DIAPH3: variants seen among roughly 807,000 people sequenced by gnomAD.
The protein encoded by DIAPH3 is protein diaphanous homolog 3.
A neutral mutation model predicts 144.3 loss-of-function variants in DIAPH3; 117 were observed. The observed-to-expected ratio is 0.81, with a 90% confidence interval of 0.70 to 0.95. The LOEUF is 0.95. DIAPH3 is among the 40% of genes least tolerant of loss of function. The probability of loss-of-function intolerance (pLI) is 0.00; values close to 1 mark genes in which losing one functional copy is unlikely to be tolerated. For synonymous variants in DIAPH3, 519 were observed against 488.9 expected, an observed-to-expected ratio of 1.06 and a Z score of -0.81; for missense variants, 1,421 against 1,412.7, an observed-to-expected ratio of 1.01 and a Z score of -0.09.
At chr13:59,989,822 C>T (rs575625739) in intron 12 of DIAPH3, among the ~76,000 whole-genome samples, 32 of 151,970 alleles carry the variant, frequency 2.1e-4, no homozygotes, top group South Asian at 4.1e-4. Context: ...GATAAAACCC[C>T]TGCAGGACTA....
intron 3 of DIAPH3, among the ~76,000 whole-genome samples, chr13:60,103,309 T>C (rs1343394605): frequency 2.0e-5 from 3 of 152,070 alleles, no homozygotes; most frequent in Non-Finnish European, 4.4e-5. Flanking sequence ...TTCATGGCTG[T>C]GGATTTTGCA....
Position 59,956,484 on chromosome 13 carries a change from T to G in DIAPH3, c.2074+13460A>C, listed in dbSNP as rs779183076. 5.9e-5 allele frequency among the ~76,000 whole-genome samples: 9 copies of G among 152,300 alleles called. No individual in the cohort carries two copies. The South Asian group carries it at 1.7e-3, about 28-fold the overall frequency. Reference sequence around the variant, plus strand: ...CTGTGGGTGCAAATAAGTCAAGAACTGAGGTTTGGGAACCTCCACCTAGAT... The same window carrying G: ...CTGTGGGTGCAAATAAGTCAAGAACGGAGGTTTGGGAACCTCCACCTAGAT... On this transcript the variant is annotated intron_variant, in intron 17 of 27. Coordinates refer to ENST00000400324, the MANE Select transcript of DIAPH3 (RefSeq NM_001042517.2).
chr13:60,061,658 T>C (rs2056778881), intron 4 of DIAPH3, among the ~76,000 whole-genome samples: 1 of 149,934 alleles, frequency 6.7e-6, no homozygotes, highest in Admixed American at 6.6e-5. Context: ...TAAACACATC[T>C]GACTTCAAGG....
intron 9 of DIAPH3, among the ~76,000 whole-genome samples, chr13:59,994,474 G>A (rs560157572): frequency 2.0e-5 from 3 of 151,942 alleles, no homozygotes; most frequent in Non-Finnish European, 2.9e-5. Flanking sequence ...TAGAGATATC[G>A]AGAAACGTTA....
intron 12 of DIAPH3, 77 bp from the exon 13 acceptor site, chr13:59,983,964 G>T (rs1400678028): frequency 1.6e-5 from 15 of 926,992 alleles, no homozygotes; most frequent in Non-Finnish European, 2.6e-5. Flanking sequence ...TTTTGGCTAA[G>T]ATTGATTTCA....
intron 27 of DIAPH3, among the ~76,000 whole-genome samples, chr13:59,708,855 C>T (rs1240139521): frequency 6.6e-6 from 1 of 151,952 alleles, no homozygotes; most frequent in Non-Finnish European, 1.5e-5. Flanking sequence ...ATTTTAAAAA[C>T]ATGCTATTTA....
intron 4 of DIAPH3, among the ~76,000 whole-genome samples, chr13:60,065,457 A>T: frequency 6.6e-6 from 1 of 152,158 alleles, no homozygotes; most frequent in Non-Finnish European, 1.5e-5. Context: ...ACATTAGGGT[A>T]GGGACATGAT....
intron 21 of DIAPH3, among the ~76,000 whole-genome samples, chr13:59,871,164 T>C (rs1041424817): frequency 1.4e-5 from 2 of 139,766 alleles, no homozygotes; most frequent in Admixed American, 1.4e-4. Context: ...GCTTAACAGT[T>C]CCAGGAGGTT....
chr13:60,080,303 T>C (rs1382705127), intron 4 of DIAPH3, among the ~76,000 whole-genome samples: 1 of 151,894 alleles, frequency 6.6e-6, no homozygotes, highest in African/African-American at 2.4e-5. Flanking sequence ...CTATATATAA[T>C]AAAGCCCTAA....
chr13:60,011,736 T>C (rs567945955), intron 7 of DIAPH3, among the ~76,000 whole-genome samples: 2 of 152,296 alleles, frequency 1.3e-5, no homozygotes, highest in South Asian at 2.1e-4. Context: ...TTTGAGCAGA[T>C]ACCATGTAGA....
chr13:59,847,922 C>G (rs1014925539), intron 22 of DIAPH3, among the ~76,000 whole-genome samples: 1 of 152,166 alleles, frequency 6.6e-6, no homozygotes, highest in Non-Finnish European at 1.5e-5. Flanking sequence ...ACCTTAAACT[C>G]ACTTTTCCAA....
chr13:60,024,186 T>C (rs563578839), intron 5 of DIAPH3, among the ~76,000 whole-genome samples: 3 of 152,270 alleles, frequency 2.0e-5, no homozygotes, highest in South Asian at 4.2e-4. Flanking sequence ...TGTACTTTTT[T>C]ATCCTGTCCT....
chr13:59,739,952 G>A (rs73546210), intron 27 of DIAPH3, among the ~76,000 whole-genome samples: 89 of 152,270 alleles, frequency 5.8e-4, no homozygotes, highest in African/African-American at 2.1e-3. Context: ...TGATGTGTAG[G>A]CACTGTATTT....
chr13:59,666,573 A>C lies in DIAPH3; in HGVS notation c.*11T>G. On this transcript the variant is annotated 3_prime_UTR_variant, in exon 28 of 28. Coordinates refer to ENST00000400324, the MANE Select transcript of DIAPH3 (RefSeq NM_001042517.2). Reference sequence around the variant, plus strand: ...TTTGGCTTAATCATTTTTTTTAAAAACCAGTTTAACTTATAAAGCTCGTAA... The same window carrying C: ...TTTGGCTTAATCATTTTTTTTAAAACCCAGTTTAACTTATAAAGCTCGTAA... 6.2e-7 allele frequency: 1 copy of C among 1,613,656 alleles called. No individual in the cohort carries two copies. The highest frequency in any genetic ancestry group is 8.5e-7 in the Non-Finnish European group (1 of 1,179,888).
At chr13:59,915,892 T>C (rs977940881) in intron 19 of DIAPH3, among the ~76,000 whole-genome samples, 5 of 152,112 alleles carry the variant, frequency 3.3e-5, no homozygotes, top group Admixed American at 1.3e-4. Context: ...AACAAAAATG[T>C]AAAATTAAAC....
rs114844463 is a variant in DIAPH3 at position 59,736,076 on chromosome 13, A to T, written c.3319+38113T>A. 2.4e-3 allele frequency among the ~76,000 whole-genome samples: 371 copies of T among 152,330 alleles called. 1 individual carries two copies. The highest frequency in any genetic ancestry group is 8.3e-3 in the African/African-American group (346 of 41,564). On this transcript the variant is annotated intron_variant, in intron 27 of 27. Coordinates refer to ENST00000400324, the MANE Select transcript of DIAPH3 (RefSeq NM_001042517.2). ...CTGTTACTATGTTAGTTTGCTAAGG[A>T]TAATGGCATCAAGCTCCATTCATGT...
intron 13 of DIAPH3, among the ~76,000 whole-genome samples, chr13:59,982,107 T>A (rs1389713219): frequency 6.6e-6 from 1 of 151,516 alleles, no homozygotes; most frequent in Non-Finnish European, 1.5e-5. Context: ...CACCTATTCA[T>A]AGAAATACAA....
intron 18 of DIAPH3, among the ~76,000 whole-genome samples, chr13:59,920,393 T>C (rs1318063962): frequency 1.3e-5 from 2 of 151,356 alleles, no homozygotes; most frequent in Non-Finnish European, 3.0e-5. Context: ...AGAACAGGAG[T>C]AGCTATATTT....
intron 25 of DIAPH3, among the ~76,000 whole-genome samples, chr13:59,798,720 A>C (rs949938067): frequency 4.6e-5 from 7 of 152,178 alleles, no homozygotes; most frequent in African/African-American, 1.7e-4. Flanking sequence ...TGCACACCAC[A>C]TTCTTAGGCT....
Sources: allele counts gnomAD v4.1 joint callset (sites outside exome capture counted in the v4.1 genomes callset), GRCh38; gene constraint gnomAD v4.1.1; transcripts MANE v1.5; gene names NCBI Gene and HGNC (gene_info 2026-07-23, HGNC 2026-07-21).